The following ANK3 variants were observed in gnomAD, a reference collection of about 807,000 sequenced individuals.
ANK3 encodes the protein ankyrin 3.
ANK3 carries 57 observed loss-of-function variants against 370.9 expected under a neutral mutation model. The observed-to-expected ratio is 0.15, with a 90% CI of 0.12 to 0.19. ANK3 has a LOEUF of 0.19. Among genes scored for constraint, ANK3 ranks in the 10% least tolerant of loss-of-function variants. The pLI is 1.00. For missense variants in ANK3, 4,439 were observed against 5,302.1 expected, an observed-to-expected ratio of 0.84 and a Z score of 5.06; for synonymous variants, 1,929 against 1,946.3, an observed-to-expected ratio of 0.99 and a Z score of 0.23.
At chr10:60,719,937 C>T (rs913978688) in intron 1 of ANK3, among the ~76,000 whole-genome samples, 1 of 152,060 alleles carries the variant, frequency 6.6e-6, no homozygotes, top group Non-Finnish European at 1.5e-5. Context: ...CTATCATAAG[C>T]AAATAGAAGA....
In ANK3 at chr10:60,443,084, G is replaced by T. The variant is rs114675629; in HGVS notation, c.97-163445C>A. Among the ~76,000 whole-genome samples, 762 of 152,282 alleles carry T rather than the reference G, an allele frequency of 5.0e-3. 4 individuals carry two copies. The highest frequency in any genetic ancestry group is 6.4e-3 in the Non-Finnish European group (434 of 68,030). On this transcript the variant is annotated intron_variant, in intron 2 of 43. Coordinates refer to the ANK3 transcript ENST00000373827. ...TTGGAGGAGGAGGTCTTAGAGCTCA[G>T]GTCTTAGAGCTGAGCATTAGAGGAT...
chr10:60,508,717 A>T (rs2076002683), intron 2 of ANK3: 1 of 152,274 alleles, frequency 6.6e-6, no homozygotes, highest in African/African-American at 2.4e-5. Context: ...GACTTAAAGC[A>T]GATTATGTGA....
chr10:60,476,648 C>T (rs1373615009), intron 2 of ANK3, among the ~76,000 whole-genome samples: 2 of 152,098 alleles, frequency 1.3e-5, no homozygotes, highest in African/African-American at 2.4e-5. Context: ...GGTGAGAATA[C>T]TGAATTTACA....
At chr10:60,076,731 T>C (rs2083926690) in intron 36 of ANK3, among the ~76,000 whole-genome samples, 1 of 151,792 alleles carries the variant, frequency 6.6e-6, no homozygotes, top group South Asian at 2.1e-4. Context: ...AGGCAAACAA[T>C]GAAAAATAGA....
chr10:60,120,891 G>A (rs547822165), intron 25 of ANK3, among the ~76,000 whole-genome samples: 2 of 152,238 alleles, frequency 1.3e-5, no homozygotes, highest in South Asian at 4.2e-4. Context: ...CCACCACAGA[G>A]AGCAGTCTGG....
intron 2 of ANK3, among the ~76,000 whole-genome samples, chr10:60,614,696 C>A (rs1178451841): frequency 1.3e-5 from 2 of 152,228 alleles, no homozygotes; most frequent in African/African-American, 2.4e-5. Flanking sequence ...AAAGCTCTTT[C>A]ACTATTAAAA....
intron 1 of ANK3, among the ~76,000 whole-genome samples, chr10:60,637,808 T>G (rs971029354): frequency 6.6e-6 from 1 of 152,190 alleles, no homozygotes; most frequent in African/African-American, 2.4e-5. Flanking sequence ...CCTAAAAGAT[T>G]AACTGCTATA....
chr10:60,561,125 C>T (rs2077325033), intron 2 of ANK3, among the ~76,000 whole-genome samples: 1 of 152,086 alleles, frequency 6.6e-6, no homozygotes, highest in South Asian at 2.1e-4. Context: ...GGAGGTTAAG[C>T]TTTGTTTCAA....
At chr10:60,335,578 C>G (rs1032271980) in intron 1 of ANK3, among the ~76,000 whole-genome samples, 1 of 152,102 alleles carries the variant, frequency 6.6e-6, no homozygotes, top group Non-Finnish European at 1.5e-5. Context: ...AGACATCAAA[C>G]TATATAAACA....
intron 1 of ANK3, among the ~76,000 whole-genome samples, chr10:60,321,553 G>A (rs975253592): frequency 7.2e-5 from 11 of 152,152 alleles, no homozygotes; most frequent in African/African-American, 1.7e-4. Context: ...GCTTACTCTC[G>A]CTAGGCATTC....
intron 2 of ANK3, among the ~76,000 whole-genome samples, chr10:60,459,157 T>C (rs1441551419): frequency 2.6e-5 from 4 of 152,156 alleles, no homozygotes; most frequent in African/African-American, 4.8e-5. Context: ...TTCCAAAGGA[T>C]AGACATGTTA....
At chr10:60,045,072 T>C (rs1357026802) in intron 42 of ANK3, among the ~76,000 whole-genome samples, 2 of 152,168 alleles carry the variant, frequency 1.3e-5, no homozygotes, top group Admixed American at 6.5e-5. Context: ...GAACACAAAG[T>C]TGTTTCGTAA....
chr10:60,611,805 A>T (rs1567178929), intron 2 of ANK3, among the ~76,000 whole-genome samples: 1 of 150,630 alleles, frequency 6.6e-6, no homozygotes, highest in Non-Finnish European at 1.5e-5. Flanking sequence ...AGTGTTTGGC[A>T]TACAAGATCT....
intron 2 of ANK3, among the ~76,000 whole-genome samples, chr10:60,554,693 C>T (rs942728262): frequency 7.9e-5 from 12 of 152,256 alleles, no homozygotes; most frequent in Admixed American, 3.9e-4. Flanking sequence ...TCTTCTATTA[C>T]TTAAAAATAA....
chr10:60,207,130 C>T (rs1199710359), intron 10 of ANK3, among the ~76,000 whole-genome samples: 1 of 152,154 alleles, frequency 6.6e-6, no homozygotes, highest in Admixed American at 6.5e-5. Context: ...TGAAATGCTG[C>T]TTTGGTAAAA....
chr10:60,477,113 A>T (rs1471324034), intron 2 of ANK3, among the ~76,000 whole-genome samples: 3 of 152,154 alleles, frequency 2.0e-5, no homozygotes, highest in Non-Finnish European at 2.9e-5. Context: ...TGCTTAAAAT[A>T]TATACTTATT....
At chr10:60,183,951 A>C (rs1351786302) in intron 17 of ANK3, among the ~76,000 whole-genome samples, 1 of 152,196 alleles carries the variant, frequency 6.6e-6, no homozygotes, top group African/African-American at 2.4e-5. Context: ...TTGTATAAAA[A>C]ATATAAGCAT....
chr10:60,719,973 C>A (rs887764783), intron 1 of ANK3, among the ~76,000 whole-genome samples: 27 of 152,078 alleles, frequency 1.8e-4, no homozygotes, highest in Admixed American at 1.3e-4. Flanking sequence ...TTAACATCAA[C>A]TGATTATATC....
chr10:60,233,192 C>T (rs911588002), intron 8 of ANK3, among the ~76,000 whole-genome samples: 1 of 152,130 alleles, frequency 6.6e-6, no homozygotes, highest in Non-Finnish European at 1.5e-5. Flanking sequence ...AGTTTACAAA[C>T]ATTATCTTGA....
Sources: allele counts gnomAD v4.1 joint callset (sites outside exome capture counted in the v4.1 genomes callset), GRCh38; gene constraint gnomAD v4.1.1; transcripts MANE v1.5; gene names NCBI Gene and HGNC (gene_info 2026-07-23, HGNC 2026-07-21).